The following ZNF169 variants were observed in gnomAD, a reference collection of about 807,000 sequenced individuals.
The protein encoded by ZNF169 is zinc finger protein 169.
ZNF169 carries 11 observed loss-of-function variants against 12.0 expected under a neutral mutation model. The ratio of observed to expected loss-of-function variants is 0.92; its 90% CI spans 0.58 to 1.52. The LOEUF is 1.52. Ranked by LOEUF, ZNF169 falls within the 40% of genes most tolerant of loss-of-function variation. The pLI, the probability that ZNF169 is intolerant of heterozygous loss-of-function variation, is 0.00. For synonymous variants in ZNF169, 302 were observed against 286.5 expected, an observed-to-expected ratio of 1.05 and a Z score of -0.55; for missense variants, 722 against 744.0, an observed-to-expected ratio of 0.97 and a Z score of 0.34.
intron 4 of ZNF169, chr9:94,294,845 C>A (rs1433441684): frequency 6.6e-6 from 1 of 152,092 alleles, no homozygotes; most frequent in Non-Finnish European, 1.5e-5. Flanking sequence ...AGGTCTTTAA[C>A]TGGAATTAAT....
At chr9:94,275,786 GTTT>G (rs774781157) in intron 1 of ZNF169, among the ~76,000 whole-genome samples, 2 of 130,508 alleles carry the variant, frequency 1.5e-5, no homozygotes. Context: ...TGCACTATCT[GTTT>G]TTTTTTTTTT....
At position 94,301,068 on chromosome 9, in the gene ZNF169, C is replaced by CA; in HGVS notation, c.1511dup (p.His504GlnfsTer29). The CA allele has an allele frequency of 6.2e-7, 1 of 1,614,220 alleles. No homozygotes were observed. Among genetic ancestry groups the CA allele is most frequent in the Non-Finnish European group, 8.5e-7 (1 of 1,180,036 alleles). On this transcript the variant is annotated frameshift_variant, in exon 5 of 5. Transcript: ENST00000395395. LOFTEE classifies it low-confidence loss of function (END_TRUNC). ...TGGCTTTAAGTCGCTCCTCACCCGA[C>CA]ACCAGAGGACACACTCAGAGGAGGA...
intron 1 of ZNF169, among the ~76,000 whole-genome samples, chr9:94,277,969 C>G (rs1830555952): frequency 6.6e-6 from 1 of 151,434 alleles, no homozygotes; most frequent in Admixed American, 6.6e-5. Context: ...GAGCTTTGTT[C>G]TCAAAACCTA....
chr9:94,288,120 A>G, intron 2 of ZNF169: 3 of 822,328 alleles, frequency 3.6e-6, no homozygotes, highest in South Asian at 2.7e-5. Context: ...CTCATAACCC[A>G]GCACCAGAGC....
intron 4 of ZNF169, chr9:94,293,480 G>T: frequency 2.4e-6 from 1 of 414,648 alleles, no homozygotes; most frequent in Non-Finnish European, 4.3e-6. Context: ...GCAATGGCAT[G>T]ATCTCGGCTC....
chr9:94,272,509 G>C (rs1182183787), intron 1 of ZNF169, among the ~76,000 whole-genome samples: 2 of 151,888 alleles, frequency 1.3e-5, no homozygotes, highest in Non-Finnish European at 2.9e-5. Flanking sequence ...AATTACTTTA[G>C]TATTCATATT....
intron 2 of ZNF169, among the ~76,000 whole-genome samples, chr9:94,289,617 C>T (rs370842373): frequency 6.6e-6 from 1 of 152,104 alleles, no homozygotes; most frequent in South Asian, 2.1e-4. Context: ...TGACGAAACC[C>T]CGTCTCTACT....
chr9:94,278,944 A>G, intron 2 of ZNF169, 99 bp downstream of exon 2: 1 of 1,227,756 alleles, frequency 8.1e-7, no homozygotes, highest in Non-Finnish European at 1.2e-6. Flanking sequence ...GCCTATCTTG[A>G]TCTTGTAGGC....
chr9:94,277,118 A>AG (rs1175805643), intron 1 of ZNF169, among the ~76,000 whole-genome samples: 1 of 152,178 alleles, frequency 6.6e-6, no homozygotes, highest in Non-Finnish European at 1.5e-5. Context: ...AACTCAAAGT[A>AG]GGGGGGCGGA....
intron 2 of ZNF169, chr9:94,288,216 G>A: frequency 2.4e-6 from 2 of 816,478 alleles, no homozygotes; most frequent in Non-Finnish European, 4.3e-6. Flanking sequence ...CTTGATTTTA[G>A]CATTTTTTTC....
chr9:94,284,677 A>G (rs1205067521), intron 2 of ZNF169, among the ~76,000 whole-genome samples: 1 of 152,242 alleles, frequency 6.6e-6, no homozygotes, highest in East Asian at 1.9e-4. Context: ...TTAGTGATAA[A>G]TTTAACCGAG....
intron 2 of ZNF169, chr9:94,288,285 A>G (rs1481293363): frequency 1.2e-6 from 1 of 827,988 alleles, no homozygotes; most frequent in Non-Finnish European, 2.1e-6. Flanking sequence ...GTGCAAGCTG[A>G]TCTTCCACAG....
In ZNF169 at chr9:94,299,820, A is replaced by G; in HGVS notation, c.262A>G (p.Arg88Gly). The change falls in exon 5 of 5, where the codon AGA becomes GGA. Residue 88 changes from arginine (R) to glycine (G), a missense_variant. Physicochemically the swap from Arg to Gly is moderately radical, Grantham distance 125. Transcript: ENST00000395395. ...CAAGACTTTCTCTCTAGCAGAGCCT[A>G]GAACAGAATTCCAGCCAAGTTTTCC... ...EHLLDLCPEP[R>G]TEFQPSFPHL... is the part of the protein sequence containing the mutation. 1 of 1,612,670 alleles carries G rather than the reference A, an allele frequency of 6.2e-7. No individual in the cohort carries two copies. The highest frequency in any genetic ancestry group is 8.5e-7 in the Non-Finnish European group (1 of 1,179,190).
intron 1 of ZNF169, among the ~76,000 whole-genome samples, chr9:94,275,793 T>G (rs561558851): frequency 5.3e-5 from 8 of 151,612 alleles, no homozygotes; most frequent in East Asian, 1.9e-4. Context: ...TCTGTTTTTT[T>G]TTTTTTTTTT....
At chr9:94,264,176 G>A (rs542228002) in intron 1 of ZNF169, among the ~76,000 whole-genome samples, 63 of 152,226 alleles carry the variant, frequency 4.1e-4, no homozygotes, top group African/African-American at 1.5e-3. Flanking sequence ...TTGCTCTGTT[G>A]CCCAGTCTGG....
chr9:94,281,625 T>C (rs1830633589), intron 2 of ZNF169, among the ~76,000 whole-genome samples: 2 of 152,200 alleles, frequency 1.3e-5, no homozygotes, highest in Non-Finnish European at 1.5e-5. Context: ...CATGAGAACA[T>C]GTGCCCAACG....
intron 1 of ZNF169, among the ~76,000 whole-genome samples, chr9:94,271,614 G>T (rs1444763222): frequency 6.6e-6 from 1 of 151,488 alleles, no homozygotes; most frequent in East Asian, 2.0e-4. Flanking sequence ...CAGCTACTTG[G>T]GAGGCTGAGG....
At chr9:94,274,039 G>A (rs1830478392) in intron 1 of ZNF169, among the ~76,000 whole-genome samples, 1 of 152,208 alleles carries the variant, frequency 6.6e-6, no homozygotes, top group African/African-American at 2.4e-5. Context: ...TTTCGGCAGG[G>A]TTGGTTTCTT....
chr9:94,285,561 T>C (rs1389953624), intron 2 of ZNF169, among the ~76,000 whole-genome samples: 1 of 152,018 alleles, frequency 6.6e-6, no homozygotes, highest in African/African-American at 2.4e-5. Flanking sequence ...CTGAGTAAAT[T>C]TGAAACATGA....
Sources: gnomAD v4.1 joint callset for allele counts (sites outside exome capture counted in the v4.1 genomes callset) on GRCh38, gnomAD v4.1.1 for gene constraint, MANE v1.5 for transcripts, NCBI Gene and HGNC (gene_info 2026-07-23, HGNC 2026-07-21) for gene names.